INPP5D: variants seen among roughly 807,000 people sequenced by gnomAD.
INPP5D encodes the protein phosphatidylinositol 3,4,5-trisphosphate 5-phosphatase 1.
In INPP5D, 33 loss-of-function variants were observed where a neutral mutation model predicts 122.9. The ratio of observed to expected loss-of-function variants is 0.27; its 90% CI spans 0.20 to 0.36. The LOEUF (loss-of-function observed/expected upper bound fraction) is 0.36. Among genes scored for constraint, INPP5D ranks in the 10% least tolerant of loss-of-function variants. INPP5D has a pLI of 1.00. For missense variants in INPP5D, 1,053 were observed against 1,412.7 expected (o/e 0.75, Z 4.08); for synonymous variants, 584 against 576.2 (o/e 1.01, Z -0.19).
At chr2:233,088,221 C>T (rs904965255) in intron 2 of INPP5D, among the ~76,000 whole-genome samples, 10 of 152,270 alleles carry the variant, frequency 6.6e-5, no homozygotes, top group Admixed American at 3.9e-4. Flanking sequence ...GTGATCTGCC[C>T]GCCTCAGCCT....
intron 6 of INPP5D, among the ~76,000 whole-genome samples, chr2:233,141,864 C>A (rs1036264639): frequency 6.6e-6 from 1 of 152,118 alleles, no homozygotes; most frequent in African/African-American, 2.4e-5. Flanking sequence ...TTTGAGTTTG[C>A]CCACATTGTT....
chr2:233,191,856 A>C (rs1200573631), intron 22 of INPP5D, among the ~76,000 whole-genome samples: 1 of 152,250 alleles, frequency 6.6e-6, no homozygotes. Context: ...GGTGGAAGTC[A>C]CTAAAGAGGA....
chr2:233,159,318 T>A (rs562608438), intron 10 of INPP5D, among the ~76,000 whole-genome samples: 1 of 152,350 alleles, frequency 6.6e-6, no homozygotes, highest in South Asian at 2.1e-4. Context: ...TCATTCATTG[T>A]TCTCTGCCAT....
Position 233,170,604 on chromosome 2 carries a change from G to A in INPP5D, c.1900G>A (p.Glu634Lys), listed in dbSNP as rs763745554. The change falls in exon 16 of 27, where the codon GAG (glutamate) becomes AAG (lysine). Residue 634 changes from glutamate (E) to lysine (K), a missense_variant and splice_region_variant. Glu to Lys is a moderately conservative substitution (Grantham distance 56, BLOSUM62 1). Around this residue, in one of 6 missense-constraint regions of INPP5D, gnomAD observed 258 missense variants for 439.1 expected, o/e 0.59. Coordinates refer to ENST00000445964, the MANE Select transcript of INPP5D (RefSeq NM_001017915.3). This position sits in a 1 kb window ranked among gnomAD's most constrained non-coding sequence, Gnocchi z 4.5. ...RREQKVFLHF[E>K]EEEITFAPTY... ...GGAGCAGAAGGTCTTCCTACACTTC[G>A]GTAAGAGCAGCAACCCCGGCTGGGA... 4.3e-6 allele frequency: 7 copies of A among 1,612,524 alleles called. No homozygotes were observed. In the East Asian group the frequency reaches 6.7e-5, roughly 15 times the overall value.
chr2:233,151,260 G>T (rs1012277748), intron 9 of INPP5D, among the ~76,000 whole-genome samples: 1 of 152,052 alleles, frequency 6.6e-6, no homozygotes, highest in African/African-American at 2.4e-5. Context: ...ATCACTTGGA[G>T]CCAGGAGTTT....
chr2:233,131,033 ATAAAT>A (rs986022799), intron 5 of INPP5D: 4 of 271,788 alleles, frequency 1.5e-5, no homozygotes, highest in East Asian at 3.5e-4. Flanking sequence ...TCAAAAGGAA[ATAAAT>A]TAAAGTTAGT....
chr2:233,185,745 G>T, intron 20 of INPP5D, 98 bp from the exon 21 acceptor site: 1 of 1,009,314 alleles, frequency 9.9e-7, no homozygotes, highest in Admixed American at 4.5e-5. Flanking sequence ...AAAGGAGAGA[G>T]CACATCTTCC....
At position 233,185,831 on chromosome 2, in the gene INPP5D, G is replaced by C. The variant is rs751942747; in HGVS notation, c.2276-12G>C. The stretch of plus-strand genomic sequence containing the variant: ...CTGTTTTCTGAAAACCAGCCTTTTT[G>C]TCCTCCAACAGGTTTTGTCAAGAGT... On this transcript the variant is annotated splice_polypyrimidine_tract_variant and intron_variant, in intron 20 of 26. Coordinates refer to ENST00000445964, the MANE Select transcript of INPP5D (RefSeq NM_001017915.3). 6.3e-7 allele frequency: 1 copy of C among 1,585,050 alleles called. No homozygotes were observed. The highest frequency in any genetic ancestry group is 1.7e-4 in the Middle Eastern group (1 of 5,962).
chr2:233,068,188 G>C (rs78579916), intron 1 of INPP5D, among the ~76,000 whole-genome samples: 9,700 of 151,972 alleles, frequency 0.064, 627 homozygotes, highest in East Asian at 0.27. Flanking sequence ...GAGAGGCTGA[G>C]GCAGCAGAAT....
In INPP5D at chr2:233,189,039, A is replaced by G. The variant is rs570939861; in HGVS notation, c.2359-811A>G. ...GAGTCATCGTGAGAAACAGCCCCAC[A>G]TCTGAAAAAGTCATAACTCGTGGCA... On this transcript the variant is annotated intron_variant, in intron 21 of 26. Transcript: ENST00000445964. The surrounding 1 kb of genome is among the most constrained non-coding windows in gnomAD (Gnocchi z 5.6). Among the ~76,000 whole-genome samples the G allele has an allele frequency of 3.3e-5, 5 of 152,282 alleles. No individual in the cohort carries two copies. Among genetic ancestry groups the G allele is most frequent in the African/African-American group, 1.2e-4 (5 of 41,566 alleles).
intron 3 of INPP5D, among the ~76,000 whole-genome samples, chr2:233,124,405 T>C (rs553214531): frequency 6.2e-4 from 94 of 152,306 alleles, no homozygotes; most frequent in Admixed American, 2.6e-4. Flanking sequence ...ACACTTTTCA[T>C]GGTTGTGCAG....
Position 233,193,934 on chromosome 2 carries a change from C to T in INPP5D, c.2569C>T (p.Gln857Ter), listed in dbSNP as rs1695116066. The T allele has an allele frequency of 6.2e-7, 1 of 1,610,688 alleles. No homozygotes were observed. The highest frequency in any genetic ancestry group is 8.5e-7 in the Non-Finnish European group (1 of 1,177,504). Reference sequence around the variant, plus strand: ...GGGGGAGATCAAGCTGCAGACCTCTCAGGGCAAGACGAGGGAGAAGCTCTA... The same window carrying T: ...GGGGGAGATCAAGCTGCAGACCTCTTAGGGCAAGACGAGGGAGAAGCTCTA... ...FQGEIKLQTS[Q>*]GKTREKLYDF... Residue 857 changes from glutamine to a stop codon, truncating the protein, a stop_gained, in exon 23 of 27, where the codon CAG becomes TAG. Transcript: ENST00000445964. LOFTEE classifies it high-confidence loss of function.
intron 22 of INPP5D, among the ~76,000 whole-genome samples, chr2:233,190,456 T>C (rs907006498): frequency 1.3e-5 from 2 of 152,202 alleles, no homozygotes; most frequent in African/African-American, 4.8e-5. Flanking sequence ...CTGCTCCTTC[T>C]GCCCCCAAGG....
chr2:233,107,483 G>A (rs1173708946), intron 2 of INPP5D, among the ~76,000 whole-genome samples: 1 of 152,188 alleles, frequency 6.6e-6, no homozygotes, highest in South Asian at 2.1e-4. Flanking sequence ...GAGGGTGTTG[G>A]CTATGAACTC....
chr2:233,162,611 T>C (rs1694226192), intron 11 of INPP5D, among the ~76,000 whole-genome samples: 1 of 152,160 alleles, frequency 6.6e-6, no homozygotes, highest in African/African-American at 2.4e-5. Flanking sequence ...ATAGAAGACA[T>C]CCAGATAAAC....
At chr2:233,141,257 G>A (rs892573229) in intron 6 of INPP5D, 23 of 152,248 alleles carry the variant, frequency 1.5e-4, no homozygotes, top group African/African-American at 5.1e-4. Flanking sequence ...AAGAGTAACA[G>A]AAAAAAACAT....
chr2:233,169,141 C>T (rs1398904588), intron 13 of INPP5D, among the ~76,000 whole-genome samples, 164 bp from the exon 14 acceptor site: 1 of 152,180 alleles, frequency 6.6e-6, no homozygotes, highest in Non-Finnish European at 1.5e-5. Context: ...TTTCTCATCT[C>T]CCGCTCTCTG....
In INPP5D at chr2:233,177,471, C is replaced by A; in HGVS notation, c.2071+125C>A. 2 of 1,507,266 alleles carry A rather than the reference C, an allele frequency of 1.3e-6. No homozygotes were observed. Among genetic ancestry groups the A allele is most frequent in the Non-Finnish European group, 1.8e-6 (2 of 1,106,594 alleles). 93.4% of individuals were successfully genotyped at this position (1,507,266 alleles called of 1,614,324 possible). On this transcript the variant is annotated intron_variant, in intron 18 of 26. Transcript: ENST00000445964. This position sits in a 1 kb window ranked among gnomAD's most constrained non-coding sequence, Gnocchi z 4.2. The stretch of plus-strand genomic sequence containing the variant: ...TGTCAAAGGGAGGAATTCACTGTAA[C>A]CCTAATCAGGCGACCTGGAAATGTT...
At chr2:233,163,634 CTGTTT>C in intron 11 of INPP5D, 68 bp from the exon 12 acceptor site, 14 of 1,604,040 alleles carry the variant, frequency 8.7e-6, no homozygotes, top group Non-Finnish European at 1.2e-5. Context: ...CTCCCGCCCT[CTGTTT>C]TGAATTCTCC....
Sources: allele counts gnomAD v4.1 joint callset (sites outside exome capture counted in the v4.1 genomes callset), GRCh38; gene constraint gnomAD v4.1.1; regional missense constraint gnomAD v4.1.1; non-coding constraint Gnocchi (gnomAD v3.1); transcripts MANE v1.5; gene names NCBI Gene and HGNC (gene_info 2026-07-23, HGNC 2026-07-21).